Variants in FSTL5 observed in about 807,000 individuals in gnomAD.
The protein encoded by FSTL5 is follistatin like 5.
A neutral mutation model predicts 89.1 loss-of-function variants in FSTL5; 62 were observed. The observed-to-expected ratio is 0.70, with a 90% CI of 0.57 to 0.86. FSTL5 has a LOEUF of 0.86. FSTL5 is among the 40% of genes least tolerant of loss of function. FSTL5 has a pLI of 0.00. For synonymous variants in FSTL5, 383 were observed against 346.2 expected (o/e 1.11, Z -1.18); for missense variants, 1,057 against 1,001.6 (o/e 1.06, Z -0.75).
At chr4:161,971,927 T>A (rs921160406) in intron 3 of FSTL5, among the ~76,000 whole-genome samples, 17 of 152,268 alleles carry the variant, frequency 1.1e-4, no homozygotes, top group Admixed American at 1.1e-3. Flanking sequence ...ATCTCAAATG[T>A]CCACCAACTT....
chr4:161,399,983 A>C (rs1172834802), intron 15 of FSTL5, among the ~76,000 whole-genome samples: 1 of 152,108 alleles, frequency 6.6e-6, no homozygotes, highest in African/African-American at 2.4e-5. Flanking sequence ...ACTTCTTATA[A>C]TAGATTTGTT....
chr4:161,983,927 A>G (rs1735894324), intron 3 of FSTL5, among the ~76,000 whole-genome samples: 1 of 152,244 alleles, frequency 6.6e-6, no homozygotes, highest in East Asian at 1.9e-4. Context: ...ATGTCTGCTC[A>G]TAGGATTTCA....
chr4:161,725,486 G>A (rs1035638603), intron 6 of FSTL5, among the ~76,000 whole-genome samples: 9 of 150,480 alleles, frequency 6.0e-5, no homozygotes, highest in Non-Finnish European at 1.0e-4. Context: ...AGTTACTTGC[G>A]GGAAAATTGA....
intron 10 of FSTL5, among the ~76,000 whole-genome samples, chr4:161,533,624 C>T (rs1044616043): frequency 1.3e-5 from 2 of 152,030 alleles, no homozygotes; most frequent in Admixed American, 6.6e-5. Context: ...GAAGAATGAA[C>T]AGCCAAATTC....
intron 7 of FSTL5, among the ~76,000 whole-genome samples, chr4:161,617,829 G>T (rs540263479): frequency 2.0e-5 from 3 of 152,182 alleles, no homozygotes; most frequent in Non-Finnish European, 4.4e-5. Flanking sequence ...GACATGTTTA[G>T]ATAAAACAGA....
intron 6 of FSTL5, among the ~76,000 whole-genome samples, chr4:161,672,763 G>C (rs1579010589): frequency 6.8e-6 from 1 of 148,142 alleles, no homozygotes; most frequent in Non-Finnish European, 1.5e-5. Flanking sequence ...TTGATTTTAA[G>C]TAATTTTTTA....
In FSTL5 at chr4:162,016,553, A is replaced by AT. The variant is rs533368412; in HGVS notation, c.160+17071dup. 3.6e-4 allele frequency among the ~76,000 whole-genome samples: 54 copies of AT among 152,006 alleles called. No homozygotes were observed. In the East Asian group the frequency reaches 4.1e-3, roughly 11 times the overall value. Reference sequence around the variant, plus strand: ...TTTCTTTAAAGGAGCTTGATAATGGATTTTTTTTGAGTTTTAATTCCTTTG... The same window carrying AT: ...TTTCTTTAAAGGAGCTTGATAATGGATTTTTTTTTGAGTTTTAATTCCTTTG... On this transcript the variant is annotated intron_variant, in intron 3 of 15. Coordinates refer to ENST00000306100, the MANE Select transcript of FSTL5 (RefSeq NM_020116.5).
intron 4 of FSTL5, among the ~76,000 whole-genome samples, chr4:161,900,648 AAAAAAAAAAAGAAAG>A (rs1733329135): frequency 1.6e-5 from 2 of 126,420 alleles, no homozygotes; most frequent in Admixed American, 8.4e-5. Context: ...CAAAAAAAAA[AAAAAAAAAAAGAAAG>A]AAAGAAAGAA....
At chr4:161,748,694 A>G (rs1445544319) in intron 6 of FSTL5, among the ~76,000 whole-genome samples, 1 of 151,446 alleles carries the variant, frequency 6.6e-6, no homozygotes, top group Non-Finnish European at 1.5e-5. Context: ...TAAGGAAAGG[A>G]AAGACATGAG....
At chr4:161,510,811 C>T (rs766128340) in intron 10 of FSTL5, among the ~76,000 whole-genome samples, 6 of 149,994 alleles carry the variant, frequency 4.0e-5, no homozygotes, top group African/African-American at 1.3e-4. Context: ...AAAAGTTACA[C>T]TCTTAAATTT....
At chr4:161,878,528 A>G (rs1238396100) in intron 4 of FSTL5, among the ~76,000 whole-genome samples, 1 of 152,142 alleles carries the variant, frequency 6.6e-6, no homozygotes, top group African/African-American at 2.4e-5. Flanking sequence ...AACTTTATAA[A>G]GGAAACAACC....
At chr4:161,908,787 G>T (rs1733609154) in intron 4 of FSTL5, among the ~76,000 whole-genome samples, 1 of 152,070 alleles carries the variant, frequency 6.6e-6, no homozygotes, top group South Asian at 2.1e-4. Flanking sequence ...CAGCACAATG[G>T]CTAGTCTCAA....
intron 4 of FSTL5, 61 bp from the exon 5 acceptor site, chr4:161,776,135 T>C (rs1579083707): frequency 1.1e-6 from 1 of 883,628 alleles, no homozygotes; most frequent in Non-Finnish European, 1.6e-6. Context: ...GTTTATTTAA[T>C]TAAGGTTTAG....
intron 6 of FSTL5, among the ~76,000 whole-genome samples, chr4:161,701,231 A>G (rs1184221048): frequency 6.6e-6 from 1 of 152,200 alleles, no homozygotes; most frequent in Non-Finnish European, 1.5e-5. Context: ...GCCTATGCAT[A>G]ATTTGATGCG....
chr4:161,832,884 G>C (rs1178105755), intron 4 of FSTL5, among the ~76,000 whole-genome samples: 1 of 149,194 alleles, frequency 6.7e-6, no homozygotes, highest in Non-Finnish European at 1.5e-5. Flanking sequence ...ATTTCCTTCA[G>C]TTCTGCTCTG....
chr4:161,484,418 A>C (rs1729611596), intron 12 of FSTL5, among the ~76,000 whole-genome samples: 1 of 152,170 alleles, frequency 6.6e-6, no homozygotes, highest in Non-Finnish European at 1.5e-5. Context: ...ATCTGCCCTC[A>C]ATTTTTCTTA....
At chr4:162,158,886 T>C (rs1733585187) in intron 1 of FSTL5, among the ~76,000 whole-genome samples, 1 of 152,098 alleles carries the variant, frequency 6.6e-6, no homozygotes, top group South Asian at 2.1e-4. Context: ...GACCAAATGA[T>C]ACCAATAGAC....
At chr4:161,766,307 C>T (rs562503585) in intron 5 of FSTL5, among the ~76,000 whole-genome samples, 14 of 144,258 alleles carry the variant, frequency 9.7e-5, no homozygotes, top group African/African-American at 3.6e-4. Context: ...TTCAAGTCCT[C>T]TGTTTGCTGC....
At chr4:161,569,692 G>A (rs530383737) in intron 8 of FSTL5, among the ~76,000 whole-genome samples, 5 of 151,794 alleles carry the variant, frequency 3.3e-5, no homozygotes, top group Admixed American at 2.0e-4. Context: ...TTATTTAAGA[G>A]GACATCTTGG....
Sources: gnomAD v4.1 joint callset for allele counts (sites outside exome capture counted in the v4.1 genomes callset) on GRCh38, gnomAD v4.1.1 for gene constraint, MANE v1.5 for transcripts, NCBI Gene and HGNC (gene_info 2026-07-23, HGNC 2026-07-21) for gene names.